The following HCN1 variants were observed in gnomAD, a reference collection of about 807,000 sequenced individuals.
HCN1 encodes the protein hyperpolarization activated cyclic nucleotide gated potassium channel 1.
Under a neutral mutation model 78.9 loss-of-function variants are expected in HCN1, and 13 were observed. The observed-to-expected ratio is 0.16, with a 90% CI of 0.11 to 0.26. The LOEUF is 0.26. Ranked by LOEUF, HCN1 falls within the 10% of genes least tolerant of loss-of-function variation. The probability of loss-of-function intolerance (pLI) is 1.00; values close to 1 mark genes in which losing one functional copy is unlikely to be tolerated. For synonymous variants in HCN1, 552 were observed against 455.5 expected (o/e 1.21, Z -2.70); for missense variants, 810 against 1,154.3 (o/e 0.70, Z 4.32).
intron 4 of HCN1, among the ~76,000 whole-genome samples, chr5:45,358,904 A>G (rs751375673): frequency 6.6e-6 from 1 of 151,714 alleles, no homozygotes; most frequent in Non-Finnish European, 1.5e-5. Flanking sequence ...ACTATCACCT[A>G]TTTTTTCTGA....
At chr5:45,275,010 C>T (rs761645917) in intron 6 of HCN1, among the ~76,000 whole-genome samples, 5 of 152,042 alleles carry the variant, frequency 3.3e-5, no homozygotes, top group Non-Finnish European at 7.4e-5. Flanking sequence ...TGTTGGGAGG[C>T]CGAGGGGGGC....
At chr5:45,365,835 T>C (rs1457683206) in intron 4 of HCN1, among the ~76,000 whole-genome samples, 1 of 151,900 alleles carries the variant, frequency 6.6e-6, no homozygotes, top group Non-Finnish European at 1.5e-5. Flanking sequence ...AGACACCTAT[T>C]TGTTGTCATA....
intron 4 of HCN1, among the ~76,000 whole-genome samples, chr5:45,394,033 T>TCTTTTGGGA (rs2112037846): frequency 6.6e-6 from 1 of 152,220 alleles, no homozygotes; most frequent in East Asian, 1.9e-4. Flanking sequence ...CTTTACAACC[T>TCTTTTGGGA]CTTTTGGGAT....
intron 2 of HCN1, among the ~76,000 whole-genome samples, chr5:45,552,807 A>G (rs1034647369): frequency 1.3e-5 from 2 of 151,948 alleles, no homozygotes; most frequent in Admixed American, 6.6e-5. Flanking sequence ...GTTGAAGACA[A>G]GCAAATTTTG....
intron 3 of HCN1, among the ~76,000 whole-genome samples, chr5:45,420,966 C>A (rs1740214352): frequency 6.6e-6 from 1 of 152,196 alleles, no homozygotes; most frequent in African/African-American, 2.4e-5. Context: ...AAGAGAAACT[C>A]CTGCACAATT....
chr5:45,494,904 A>G (rs1395678173), intron 2 of HCN1, among the ~76,000 whole-genome samples: 2 of 151,270 alleles, frequency 1.3e-5, no homozygotes, highest in African/African-American at 2.4e-5. Flanking sequence ...AAGATCAGAT[A>G]GTTGTAGATA....
intron 6 of HCN1, among the ~76,000 whole-genome samples, chr5:45,288,416 A>G (rs1745309085): frequency 1.3e-5 from 2 of 152,168 alleles, no homozygotes; most frequent in South Asian, 2.1e-4. Flanking sequence ...AAAAAAGAAT[A>G]CACCCTTCAA....
chr5:45,269,435 C>T (rs1744919051), intron 6 of HCN1, among the ~76,000 whole-genome samples: 1 of 151,724 alleles, frequency 6.6e-6, no homozygotes, highest in Non-Finnish European at 1.5e-5. Context: ...ATTGTTTTGT[C>T]TCTTTTTCTA....
intron 2 of HCN1, among the ~76,000 whole-genome samples, chr5:45,579,460 C>T (rs1744014422): frequency 6.6e-6 from 1 of 152,024 alleles, no homozygotes; most frequent in South Asian, 2.1e-4. Flanking sequence ...TCCCTTTGGT[C>T]ATATTTTCGT....
chr5:45,339,031 G>A (rs562228019), intron 5 of HCN1, among the ~76,000 whole-genome samples: 6 of 152,272 alleles, frequency 3.9e-5, no homozygotes, highest in African/African-American at 1.4e-4. Flanking sequence ...GAGAAACCCT[G>A]TTTTCACCTT....
chr5:45,639,379 A>G (rs1464863881), intron 2 of HCN1, among the ~76,000 whole-genome samples: 1 of 152,216 alleles, frequency 6.6e-6, no homozygotes, highest in Non-Finnish European at 1.5e-5. Context: ...TATAAATATT[A>G]CAGAAATATC....
intron 2 of HCN1, among the ~76,000 whole-genome samples, chr5:45,540,291 A>C (rs531899950): frequency 6.6e-6 from 1 of 151,622 alleles, no homozygotes; most frequent in East Asian, 1.9e-4. Flanking sequence ...CTTCTGCAAA[A>C]ATGAATAAAA....
chr5:45,495,409 A>C (rs201710903), intron 2 of HCN1, among the ~76,000 whole-genome samples: 118 of 144,234 alleles, frequency 8.2e-4, no homozygotes, highest in East Asian at 3.9e-3. Context: ...TTTGTCTGTT[A>C]TTGGTGTATA....
At chr5:45,609,672 C>CT (rs1014952045) in intron 2 of HCN1, among the ~76,000 whole-genome samples, 1 of 152,110 alleles carries the variant, frequency 6.6e-6, no homozygotes, top group African/African-American at 2.4e-5. Context: ...CTGTGCCATA[C>CT]TATATATTCA....
chr5:45,590,142 T>A (rs1744329938), intron 2 of HCN1, among the ~76,000 whole-genome samples: 1 of 152,214 alleles, frequency 6.6e-6, no homozygotes, highest in Non-Finnish European at 1.5e-5. Flanking sequence ...TCAGTTATAT[T>A]CTAAATGAAT....
chr5:45,610,156 T>C (rs1337168298), intron 2 of HCN1, among the ~76,000 whole-genome samples: 2 of 152,292 alleles, frequency 1.3e-5, no homozygotes, highest in Non-Finnish European at 1.5e-5. Flanking sequence ...GATTTTTATA[T>C]ATAAATGTCC....
At chr5:45,402,925 A>G (rs998256286) in intron 3 of HCN1, among the ~76,000 whole-genome samples, 1 of 110,110 alleles carries the variant, frequency 9.1e-6, no homozygotes, top group Non-Finnish European at 1.8e-5. Context: ...TCACTCTTTT[A>G]TGCAAGCTGG....
chr5:45,406,720 GA>G (rs1009126200), intron 3 of HCN1, among the ~76,000 whole-genome samples: 30 of 152,136 alleles, frequency 2.0e-4, no homozygotes, highest in African/African-American at 7.2e-4. Context: ...CCATAACAGA[GA>G]AATTCTTTAA....
At chr5:45,634,559 T>C (rs77092137) in intron 2 of HCN1, among the ~76,000 whole-genome samples, 2,105 of 152,058 alleles carry the variant, frequency 0.014, 34 homozygotes, top group Non-Finnish European at 0.024. Context: ...TCAGTGTTTA[T>C]GTGAGCCTAA....
Sources: allele counts gnomAD v4.1 joint callset (sites outside exome capture counted in the v4.1 genomes callset), GRCh38; gene constraint gnomAD v4.1.1; transcripts MANE v1.5; gene names NCBI Gene and HGNC (gene_info 2026-07-23, HGNC 2026-07-21).